The following SMCHD1 variants were observed in gnomAD, a reference collection of about 807,000 sequenced individuals.
The protein encoded by SMCHD1 is structural maintenance of chromosomes flexible hinge domain-containing protein 1.
A neutral mutation model predicts 254.7 loss-of-function variants in SMCHD1; 78 were observed. That is an observed-to-expected ratio of 0.31 (90% CI 0.26 to 0.37). The LOEUF is 0.37. SMCHD1 is among the 10% of genes least tolerant of loss of function. The probability of loss-of-function intolerance (pLI) is 1.00; values close to 1 mark genes in which losing one functional copy is unlikely to be tolerated. For missense variants in SMCHD1, 1,840 were observed against 2,408.1 expected (o/e 0.76, Z 4.94); for synonymous variants, 766 against 794.9 (o/e 0.96, Z 0.61).
chr18:2,692,818 A>G (rs1372580982), intron 7 of SMCHD1, among the ~76,000 whole-genome samples: 2 of 152,212 alleles, frequency 1.3e-5, no homozygotes, highest in African/African-American at 4.8e-5. Context: ...CTCCTACCAG[A>G]TGGAATTTGT....
chr18:2,715,408 G>A (rs543125268), intron 17 of SMCHD1, among the ~76,000 whole-genome samples: 1 of 151,896 alleles, frequency 6.6e-6, no homozygotes, highest in African/African-American at 2.4e-5. Flanking sequence ...ACCATATCTT[G>A]TAATTCCTTC....
intron 37 of SMCHD1, among the ~76,000 whole-genome samples, chr18:2,765,410 G>A (rs2075849178): frequency 6.6e-6 from 1 of 152,074 alleles, no homozygotes; most frequent in Non-Finnish European, 1.5e-5. Flanking sequence ...TCATTTCTGT[G>A]TCTAACTCAT....
intron 10 of SMCHD1, among the ~76,000 whole-genome samples, 166 bp from the exon 11 acceptor site, chr18:2,700,373 G>T (rs1433649450): frequency 6.6e-6 from 1 of 152,198 alleles, no homozygotes; most frequent in African/African-American, 2.4e-5. Flanking sequence ...ATGACAGACA[G>T]CATTCGTAAT....
intron 44 of SMCHD1, among the ~76,000 whole-genome samples, chr18:2,780,036 C>T (rs2076128432): frequency 6.6e-6 from 1 of 151,852 alleles, no homozygotes; most frequent in Non-Finnish European, 1.5e-5. Context: ...GTCAGAAGTT[C>T]GAGACTAGCC....
At chr18:2,756,697 C>T (rs569222605) in intron 34 of SMCHD1, among the ~76,000 whole-genome samples, 110 of 152,174 alleles carry the variant, frequency 7.2e-4, no homozygotes, top group African/African-American at 2.4e-3. Flanking sequence ...CCTGTTCAAG[C>T]GATTCTCCTG....
intron 1 of SMCHD1, among the ~76,000 whole-genome samples, chr18:2,661,135 A>G (rs76939686): frequency 0.03 from 4,546 of 152,278 alleles, 232 homozygotes; most frequent in African/African-American, 0.1. Flanking sequence ...CAATGAGAAC[A>G]CATGAACATA....
chr18:2,708,429 G>T (rs2143264322), intron 17 of SMCHD1, among the ~76,000 whole-genome samples: 1 of 152,178 alleles, frequency 6.6e-6, no homozygotes, highest in East Asian at 1.9e-4. Flanking sequence ...TACTCGGAAG[G>T]CTGAGGCAGG....
In SMCHD1 at chr18:2,802,774, CATT is replaced by C. The variant is rs1449500256; in HGVS notation, c.*225_*227del. ...ATGGATTTACTGGAATTATTCCAGA[CATT>C]ATGCCCTTTGGTTGTCACTACCTTG... On this transcript the variant is annotated 3_prime_UTR_variant, in exon 48 of 48. Transcript: ENST00000320876. 6 of 424,708 alleles carry C rather than the reference CATT, an allele frequency of 1.4e-5. No homozygotes were observed. The highest frequency in any genetic ancestry group is 2.1e-5 in the Non-Finnish European group (5 of 238,086). The allele number at this position is 424,708 out of a possible 1,614,324, so 26.3% of individuals were successfully genotyped here. A position where few individuals can be genotyped will look rare whatever the true frequency, so the allele number is the denominator to read the frequency against.
intron 5 of SMCHD1, among the ~76,000 whole-genome samples, chr18:2,676,671 G>A (rs920030179): frequency 1.3e-5 from 2 of 152,026 alleles, no homozygotes; most frequent in Admixed American, 6.6e-5. Context: ...ATTTTGAAAC[G>A]TTTCAAGCCA....
At position 2,655,752 on chromosome 18, in the gene SMCHD1, G is replaced by C. The variant is rs1337792755; in HGVS notation, c.-324G>C. 2 of 211,404 alleles carry C rather than the reference G, an allele frequency of 9.5e-6. No individual in the cohort carries two copies. Among genetic ancestry groups the C allele is most frequent in the Non-Finnish European group, 1.9e-5 (2 of 107,884 alleles). 13.1% of individuals were successfully genotyped at this position (211,404 alleles called of 1,614,324 possible). ...CAGTCCCGGCGGCGGCGCTGGTCGCGGGTCGCACCGTGAGGCTCGCGTGGG... is the reference window on the plus strand; with the variant it reads ...CAGTCCCGGCGGCGGCGCTGGTCGCCGGTCGCACCGTGAGGCTCGCGTGGG... On this transcript the variant is annotated 5_prime_UTR_variant, in exon 1 of 48. Transcript: ENST00000320876.
intron 17 of SMCHD1, among the ~76,000 whole-genome samples, chr18:2,709,245 TATATAC>T (rs1411050445): frequency 1.1e-3 from 115 of 106,396 alleles, no homozygotes; most frequent in African/African-American, 2.9e-3. Context: ...TATATATATA[TATATAC>T]ACACACACAT....
Position 2,802,825 on chromosome 18 carries a change from G to A in SMCHD1, c.*273G>A, listed in dbSNP as rs2076388202. The A allele has an allele frequency of 1.2e-5, 4 of 345,222 alleles. No individual in the cohort carries two copies. The highest frequency in any genetic ancestry group is 2.1e-5 in the Non-Finnish European group (4 of 191,802). The allele number at this position is 345,222 out of a possible 1,614,324, so 21.4% of individuals were successfully genotyped here. On this transcript the variant is annotated 3_prime_UTR_variant, in exon 48 of 48. Transcript: ENST00000320876. ...TTGCAAATGTGTAAGAGGAAAATGTGCTAATGTGGCAGTGACTGTAAAACT... is the reference window on the plus strand; with the variant it reads ...TTGCAAATGTGTAAGAGGAAAATGTACTAATGTGGCAGTGACTGTAAAACT...
intron 5 of SMCHD1, among the ~76,000 whole-genome samples, chr18:2,685,104 T>TTTA (rs2074016999): frequency 7.5e-6 from 1 of 133,076 alleles, no homozygotes; most frequent in Non-Finnish European, 1.6e-5. Context: ...ATTTTTTTCT[T>TTTA]TTTTTTTTTT....
intron 12 of SMCHD1, 91 bp downstream of exon 12, chr18:2,701,009 T>C (rs758515921): frequency 1.0e-6 from 1 of 999,766 alleles, no homozygotes; most frequent in Non-Finnish European, 1.4e-6. Flanking sequence ...TTTATTGATA[T>C]TTTGCATCAA....
At chr18:2,669,544 T>G (rs1421580748) in intron 3 of SMCHD1, among the ~76,000 whole-genome samples, 1 of 152,170 alleles carries the variant, frequency 6.6e-6, no homozygotes, top group Non-Finnish European at 1.5e-5. Flanking sequence ...AATATTGAAG[T>G]GCCTTAGGGC....
At chr18:2,743,731 T>C (rs1332786684) in intron 28 of SMCHD1, 30 bp from the exon 29 acceptor site, 5 of 1,545,782 alleles carry the variant, frequency 3.2e-6, no homozygotes, top group Non-Finnish European at 1.8e-6. Flanking sequence ...TGATACCCCC[T>C]GTCTTTCTCA....
intron 17 of SMCHD1, among the ~76,000 whole-genome samples, chr18:2,708,882 A>ATG (rs2074587075): frequency 1.6e-5 from 1 of 64,470 alleles, no homozygotes; most frequent in Admixed American, 1.5e-4. Context: ...ATATATATAT[A>ATG]TATATATATA....
intron 12 of SMCHD1, among the ~76,000 whole-genome samples, chr18:2,701,620 T>C (rs2074403943): frequency 6.6e-6 from 1 of 152,212 alleles, no homozygotes; most frequent in Admixed American, 6.5e-5. Flanking sequence ...GGGGTAAAAC[T>C]GTGAAGTACT....
intron 1 of SMCHD1, among the ~76,000 whole-genome samples, chr18:2,657,167 G>A (rs1408858804): frequency 1.3e-5 from 2 of 152,338 alleles, no homozygotes; most frequent in South Asian, 2.1e-4. Context: ...TCGTGAGGCT[G>A]ATAGGTTTAG....
Sources: allele counts gnomAD v4.1 joint callset (sites outside exome capture counted in the v4.1 genomes callset), GRCh38; gene constraint gnomAD v4.1.1; transcripts MANE v1.5; gene names NCBI Gene and HGNC (gene_info 2026-07-23, HGNC 2026-07-21).